The following IGSF11 variants were observed in gnomAD, a reference collection of about 807,000 sequenced individuals.
The protein encoded by IGSF11 is CXADR like 1.
A neutral mutation model predicts 41.0 loss-of-function variants in IGSF11; 22 were observed. The observed-to-expected ratio is 0.54, with a 90% confidence interval of 0.38 to 0.77. IGSF11 has a LOEUF of 0.77. IGSF11 is among the 30% of genes least tolerant of loss of function. The probability of loss-of-function intolerance (pLI) is 0.00; values close to 1 mark genes in which losing one functional copy is unlikely to be tolerated. For missense variants in IGSF11, 444 were observed against 530.8 expected, an observed-to-expected ratio of 0.84 and a Z score of 1.61; for synonymous variants, 219 against 201.3, an observed-to-expected ratio of 1.09 and a Z score of -0.74.
chr3:119,047,171 T>A (rs1161489116), intron 1 of IGSF11, among the ~76,000 whole-genome samples: 1 of 150,434 alleles, frequency 6.6e-6, no homozygotes, highest in African/African-American at 2.4e-5. Context: ...GTAAATGGAC[T>A]AAATGCTCCA....
chr3:119,133,279 G>T (rs1237419253), intron 1 of IGSF11, among the ~76,000 whole-genome samples: 1 of 152,142 alleles, frequency 6.6e-6, no homozygotes. Context: ...GAATCCAGGA[G>T]CTGGTTTTTT....
chr3:119,112,059 G>C (rs998660756), intron 1 of IGSF11, among the ~76,000 whole-genome samples: 6 of 152,226 alleles, frequency 3.9e-5, no homozygotes, highest in African/African-American at 1.2e-4. Flanking sequence ...ACCCACTTGA[G>C]GAGGCAGTCT....
At position 118,927,144 on chromosome 3, in the gene IGSF11, G is replaced by C. The variant is rs185833258; in HGVS notation, c.425-888C>G. Among the ~76,000 whole-genome samples the C allele has an allele frequency of 3.4e-3, 514 of 152,212 alleles. 3 individuals carry two copies. The highest frequency in any genetic ancestry group is 0.011 in the African/African-American group (460 of 41,544). ...CAATAAAAGGATATAGGTAGGAAGA[G>C]TAAAAATCTTAGAGAATCCTAACTA... is the stretch of plus-strand genomic sequence containing the variant. On this transcript the variant is annotated intron_variant, in intron 3 of 6. Transcript: ENST00000393775.
intron 1 of IGSF11, among the ~76,000 whole-genome samples, chr3:119,059,812 A>G (rs1489357018): frequency 6.6e-6 from 1 of 152,188 alleles, no homozygotes; most frequent in Admixed American, 6.5e-5. Context: ...GGAAGCAATT[A>G]CATAACATAA....
At chr3:118,977,255 G>A (rs994602923) in intron 1 of IGSF11, among the ~76,000 whole-genome samples, 10 of 152,128 alleles carry the variant, frequency 6.6e-5, no homozygotes, top group African/African-American at 2.4e-4. Context: ...ACCTTGGTTT[G>A]CATAAGTTTA....
chr3:119,077,383 G>T (rs566878068), intron 1 of IGSF11, among the ~76,000 whole-genome samples: 1 of 151,774 alleles, frequency 6.6e-6, no homozygotes, highest in Non-Finnish European at 1.5e-5. Flanking sequence ...AAACCTACAC[G>T]TTGTGCACAT....
At chr3:119,025,701 G>C (rs966792860) in intron 1 of IGSF11, among the ~76,000 whole-genome samples, 4 of 151,834 alleles carry the variant, frequency 2.6e-5, no homozygotes, top group Non-Finnish European at 4.4e-5. Context: ...GACATACTGG[G>C]TTTGAATTAC....
intron 1 of IGSF11, among the ~76,000 whole-genome samples, chr3:119,009,075 C>T (rs1937766718): frequency 2.0e-5 from 3 of 152,142 alleles, no homozygotes; most frequent in Admixed American, 2.0e-4. Flanking sequence ...CACACATACA[C>T]ACACACAAAT....
intron 1 of IGSF11, among the ~76,000 whole-genome samples, chr3:119,060,527 A>T (rs1942020553): frequency 1.3e-5 from 2 of 152,194 alleles, no homozygotes; most frequent in Admixed American, 6.5e-5. Context: ...CACTGTAACT[A>T]TACTATACAC....
At chr3:119,101,275 C>CA (rs2076935770) in intron 1 of IGSF11, among the ~76,000 whole-genome samples, 1 of 152,056 alleles carries the variant, frequency 6.6e-6, no homozygotes, top group South Asian at 2.1e-4. Context: ...TTTGGGAGGC[C>CA]AAGGTGGGCA....
chr3:119,101,406 G>T (rs921572966), intron 1 of IGSF11, among the ~76,000 whole-genome samples: 3 of 152,116 alleles, frequency 2.0e-5, no homozygotes, highest in African/African-American at 7.2e-5. Flanking sequence ...ATACTAGGGA[G>T]GCTGAGGCAG....
intron 1 of IGSF11, among the ~76,000 whole-genome samples, chr3:119,130,826 G>A (rs2077471952): frequency 6.6e-6 from 1 of 152,144 alleles, no homozygotes; most frequent in South Asian, 2.1e-4. Context: ...CTGGGACGAA[G>A]CTTCCAGAGG....
intron 1 of IGSF11, among the ~76,000 whole-genome samples, chr3:119,097,444 A>AATTAATT (rs201897986): frequency 0.02 from 2,971 of 152,190 alleles, 82 homozygotes; most frequent in African/African-American, 0.067. Context: ...CAAACTGCTT[A>AATTAATT]TGGAGAGCAC....
chr3:119,014,917 A>G (rs562626416), intron 1 of IGSF11, among the ~76,000 whole-genome samples: 55 of 152,344 alleles, frequency 3.6e-4, no homozygotes, highest in African/African-American at 1.3e-3. Context: ...ATCAGTAAAT[A>G]CCTATACACC....
intron 1 of IGSF11, among the ~76,000 whole-genome samples, chr3:119,068,438 C>T (rs1268680111): frequency 6.6e-6 from 1 of 152,208 alleles, no homozygotes; most frequent in Non-Finnish European, 1.5e-5. Flanking sequence ...CTTAGCACTT[C>T]TTTTAGCTTC....
chr3:118,905,026 A>G (rs1220962449), intron 5 of IGSF11, among the ~76,000 whole-genome samples: 1 of 152,214 alleles, frequency 6.6e-6, no homozygotes, highest in East Asian at 1.9e-4. Context: ...TGAATAAACA[A>G]TTAAATGACT....
intron 4 of IGSF11, among the ~76,000 whole-genome samples, chr3:118,920,051 A>G (rs906566094): frequency 1.4e-5 from 2 of 138,616 alleles, no homozygotes; most frequent in African/African-American, 5.4e-5. Context: ...ATAGGTGGGA[A>G]TTGAACAATG....
upstream of IGSF11, among the ~76,000 whole-genome samples, chr3:119,039,748 A>C (rs1400954879): frequency 6.6e-6 from 1 of 151,888 alleles, no homozygotes; most frequent in African/African-American, 2.4e-5. Flanking sequence ...GACCACTAAA[A>C]TTGTTCTTTC....
intron 4 of IGSF11, among the ~76,000 whole-genome samples, chr3:118,913,638 A>C (rs1940638549): frequency 6.6e-6 from 1 of 152,234 alleles, no homozygotes; most frequent in Non-Finnish European, 1.5e-5. Flanking sequence ...TCATCAATGT[A>C]ATACCTACTG....
Sources: gnomAD v4.1 joint callset for allele counts (sites outside exome capture counted in the v4.1 genomes callset) on GRCh38, gnomAD v4.1.1 for gene constraint, MANE v1.5 for transcripts, NCBI Gene and HGNC (gene_info 2026-07-23, HGNC 2026-07-21) for gene names.